Variants in COL9A1 observed in about 807,000 individuals in gnomAD.
COL9A1 encodes collagen type IX alpha 1 chain.
Under a neutral mutation model 142.6 loss-of-function variants are expected in COL9A1, and 104 were observed. The observed-to-expected ratio is 0.73, with a 90% CI of 0.62 to 0.86. COL9A1 has a LOEUF of 0.86. Ranked by LOEUF, COL9A1 falls within the 40% of genes least tolerant of loss-of-function variation. The pLI is 0.00. For synonymous variants in COL9A1, 466 were observed against 396.0 expected, an observed-to-expected ratio of 1.18 and a Z score of -2.10; for missense variants, 1,210 against 1,176.6, an observed-to-expected ratio of 1.03 and a Z score of -0.42.
intron 10 of COL9A1, 26 bp downstream of exon 10, chr6:70,280,786 C>G (rs1325861131): frequency 1.2e-6 from 2 of 1,605,018 alleles, no homozygotes; most frequent in Admixed American, 1.7e-5. Context: ...CCAGGCTGGG[C>G]GCCCTCCCAG....
intron 37 of COL9A1, among the ~76,000 whole-genome samples, chr6:70,222,099 C>T (rs547059114): frequency 4.6e-5 from 7 of 152,294 alleles, no homozygotes; most frequent in African/African-American, 1.7e-4. Flanking sequence ...GCATGAATAT[C>T]TGTCTTGTTA....
chr6:70,238,537 C>T (rs1770048424), intron 33 of COL9A1, among the ~76,000 whole-genome samples: 1 of 152,266 alleles, frequency 6.6e-6, no homozygotes, highest in South Asian at 2.1e-4. Context: ...TAGAACACAT[C>T]AGAGATTAAG....
intron 33 of COL9A1, among the ~76,000 whole-genome samples, chr6:70,237,009 G>A (rs959866261): frequency 6.6e-6 from 1 of 152,146 alleles, no homozygotes; most frequent in African/African-American, 2.4e-5. Flanking sequence ...TTTTAGTAAA[G>A]ATGAGGTTTC....
chr6:70,260,901 C>T, intron 19 of COL9A1, 191 bp from the exon 20 acceptor site: 1 of 530,676 alleles, frequency 1.9e-6, no homozygotes, highest in South Asian at 2.8e-5. Context: ...GATGGTAAAC[C>T]TTTTTATAAA....
intron 10 of COL9A1, chr6:70,280,578 TAGG>T (rs1408934336): frequency 1.5e-5 from 21 of 1,390,124 alleles, no homozygotes; most frequent in Non-Finnish European, 2.0e-5. Context: ...TGCTGTTTTC[TAGG>T]AGGAGGAAAT....
At chr6:70,259,482 T>C (rs1477506192) in intron 20 of COL9A1, among the ~76,000 whole-genome samples, 2 of 152,104 alleles carry the variant, frequency 1.3e-5, no homozygotes, top group Non-Finnish European at 2.9e-5. Flanking sequence ...CTACACACCC[T>C]ACACACACGC....
In COL9A1 at chr6:70,266,736, G is replaced by T. The variant is rs558743694; in HGVS notation, c.1322C>A (p.Pro441Gln). ...CCTTACCTTGTGTCCTTGTCTTCCT[G>T]GTTCACCAATTTCTCCTTTAGCCCC... ...HKGAKGEIGE[P>Q]GRQGHKGEEG... The change falls in exon 18 of 38, where the codon CCA (proline) becomes CAA (glutamine). Residue 441 changes from proline to glutamine, a missense_variant. Pro to Gln is a moderately conservative substitution (Grantham distance 76, BLOSUM62 -1). Transcript: ENST00000357250. 38 of 1,613,188 alleles carry T rather than the reference G, an allele frequency of 2.4e-5. No individual in the cohort carries two copies. Among genetic ancestry groups the T allele is most frequent in the Admixed American group, 3.3e-5 (2 of 60,016 alleles).
chr6:70,270,054 T>C (rs1772290550), intron 15 of COL9A1, among the ~76,000 whole-genome samples: 1 of 152,252 alleles, frequency 6.6e-6, no homozygotes. Flanking sequence ...GTTTTGAGCA[T>C]TTGAGACATC....
intron 37 of COL9A1, among the ~76,000 whole-genome samples, chr6:70,220,213 A>G (rs534763131): frequency 6.7e-6 from 1 of 149,568 alleles, no homozygotes; most frequent in South Asian, 2.1e-4. Flanking sequence ...CCATGGGCAT[A>G]CACTATGCTC....
intron 33 of COL9A1, among the ~76,000 whole-genome samples, chr6:70,236,112 CAAAAAAAAAAAAAAA>C (rs368419095): frequency 2.0e-5 from 1 of 49,012 alleles, no homozygotes; most frequent in African/African-American, 1.0e-4. Flanking sequence ...GACTCCATCT[CAAAAAAAAAAAAAAA>C]AAAAAAAAAA....
At chr6:70,223,289 G>A (rs573946501) in intron 37 of COL9A1, among the ~76,000 whole-genome samples, 7 of 152,264 alleles carry the variant, frequency 4.6e-5, no homozygotes, top group East Asian at 1.9e-4. Context: ...TTTCTTGAGC[G>A]CCTACTATAG....
At position 70,302,999 on chromosome 6, in the gene COL9A1, C is replaced by A; in HGVS notation, c.-75G>T. On this transcript the variant is annotated 5_prime_UTR_variant, in exon 1 of 38. Transcript: ENST00000357250. Reference sequence around the variant, plus strand: ...TTGGAAGGGAGTCACTGTCCCCTCACGACCCCTTCACTGTTACCCTAGGAC... The same window carrying A: ...TTGGAAGGGAGTCACTGTCCCCTCAAGACCCCTTCACTGTTACCCTAGGAC... The A allele has an allele frequency of 6.8e-7, 1 of 1,468,774 alleles. No homozygotes were observed. The highest frequency in any genetic ancestry group is 1.4e-5 in the African/African-American group (1 of 71,936). The allele number at this position is 1,468,774 out of a possible 1,614,324, so 91.0% of individuals were successfully genotyped here. A position where few individuals can be genotyped will look rare whatever the true frequency, so the allele number is the denominator to read the frequency against.
chr6:70,236,777 G>A (rs761533358), intron 33 of COL9A1, among the ~76,000 whole-genome samples: 1 of 152,096 alleles, frequency 6.6e-6, no homozygotes, highest in Non-Finnish European at 1.5e-5. Context: ...CTACATAGAA[G>A]GCTGCAACAT....
intron 10 of COL9A1, chr6:70,280,471 A>C: frequency 7.8e-7 from 1 of 1,283,634 alleles, no homozygotes; most frequent in Non-Finnish European, 9.9e-7. Flanking sequence ...AGCCAGTACA[A>C]TCTATTGCCA....
rs1335231514 is a variant in COL9A1 at position 70,252,945 on chromosome 6, T to C, written c.1764+440A>G. On this transcript the variant is annotated intron_variant, in intron 26 of 37. Coordinates refer to ENST00000357250, the MANE Select transcript of COL9A1 (RefSeq NM_001851.6). ...GCTATATTTTATCCCTTAACATTTT[T>C]TCCACCTATTGTTTTTAACTGCTTA... Among the ~76,000 whole-genome samples, 3 of 152,256 alleles carry C rather than the reference T, an allele frequency of 2.0e-5. No individual in the cohort carries two copies. The East Asian group carries it at 5.8e-4, about 29-fold the overall frequency.
rs751134689 is a variant in COL9A1, at chr6:70,256,811, C to G, written c.1460G>C (p.Gly487Ala). 1.9e-6 allele frequency: 3 copies of G among 1,613,364 alleles called. No homozygotes were observed. In the African/African-American group the frequency reaches 4.0e-5, roughly 22 times the overall value. The change falls in exon 21 of 38, where the codon GGC (glycine) becomes GCC (alanine). Residue 487 changes from glycine to alanine, a missense_variant. Gly to Ala is a moderately conservative substitution (Grantham distance 60, BLOSUM62 0). Coordinates refer to ENST00000357250, the MANE Select transcript of COL9A1 (RefSeq NM_001851.6). ...VGDKGEKGARGLDGEPGPQGL... is the reference protein window; with the variant it reads ...VGDKGEKGARALDGEPGPQGL... ...CTGAGGCCCAGGTTCACCATCTAAG[C>G]CCCGAGCACCCTGCAAAAAAACAAG...
chr6:70,254,109 C>CA (rs1354631236), intron 25 of COL9A1, among the ~76,000 whole-genome samples: 1 of 152,252 alleles, frequency 6.6e-6, no homozygotes, highest in East Asian at 1.9e-4. Context: ...AGTATACTCT[C>CA]AGCACTCTTG....
intron 26 of COL9A1, chr6:70,253,140 G>T (rs530485171): frequency 5.1e-6 from 2 of 394,554 alleles, no homozygotes; most frequent in Admixed American, 8.0e-5. Context: ...AAAATTTTCT[G>T]TTTTATACTG....
intron 37 of COL9A1, among the ~76,000 whole-genome samples, chr6:70,217,846 A>G (rs1768624207): frequency 6.6e-6 from 1 of 152,178 alleles, no homozygotes; most frequent in Admixed American, 6.5e-5. Flanking sequence ...TGTCTTCCTA[A>G]TAATTAAATT....
Sources: gnomAD v4.1 joint callset for allele counts (sites outside exome capture counted in the v4.1 genomes callset) on GRCh38, gnomAD v4.1.1 for gene constraint, MANE v1.5 for transcripts, NCBI Gene and HGNC (gene_info 2026-07-23, HGNC 2026-07-21) for gene names.